Variants in RUFY2 observed in about 807,000 individuals in gnomAD.
RUFY2 encodes RUN and FYVE domain containing 2.
RUFY2 carries 49 observed loss-of-function variants against 94.4 expected under a neutral mutation model. That is an observed-to-expected ratio of 0.52 (90% CI 0.41 to 0.66). RUFY2 has a LOEUF of 0.66. RUFY2 is among the 30% of genes least tolerant of loss of function. The probability of loss-of-function intolerance (pLI) is 0.00; values close to 1 mark genes in which losing one functional copy is unlikely to be tolerated. For missense variants in RUFY2, 541 were observed against 692.8 expected (o/e 0.78, Z 2.46); for synonymous variants, 255 against 235.7 (o/e 1.08, Z -0.75).
At chr10:68,393,744 T>C (rs984624666) in intron 6 of RUFY2, 2 of 283,274 alleles carry the variant, frequency 7.1e-6, no homozygotes, top group Non-Finnish European at 1.3e-5. Context: ...AAAAAAAACA[T>C]AGTTCGATCT....
chr10:68,399,959 T>C (rs1025486575), intron 3 of RUFY2, among the ~76,000 whole-genome samples: 4 of 151,762 alleles, frequency 2.6e-5, no homozygotes, highest in African/African-American at 7.3e-5. Context: ...TTTGTATTTT[T>C]AGTAAAGACA....
Position 68,381,392 on chromosome 10 carries a change from T to A in RUFY2, c.947A>T (p.Glu316Val), listed in dbSNP as rs1564823926. 3 of 1,608,344 alleles carry A rather than the reference T, an allele frequency of 1.9e-6. No homozygotes were observed. Among genetic ancestry groups the A allele is most frequent in the South Asian group, 2.2e-5 (2 of 89,208 alleles). Residue 316 changes from glutamate (E) to valine (V), a missense_variant, in exon 11 of 18, where the codon GAG (glutamate) becomes GTG (valine). This residue lies in a region of RUFY2 where 403 missense variants were observed against 480.7 expected (regional missense o/e 0.84). Transcript: ENST00000602465. ...ACTAACTTGTACTGCTAGCTCATTCTCTACATCCTGCAATTTCAATGTATC... is the reference window on the plus strand; with the variant it reads ...ACTAACTTGTACTGCTAGCTCATTCACTACATCCTGCAATTTCAATGTATC... ...RDESQLRQDV[E>V]NELAVQVSMK...
chr10:68,384,401 CTTAT>C (rs1453271973), intron 8 of RUFY2, among the ~76,000 whole-genome samples: 1 of 152,126 alleles, frequency 6.6e-6, no homozygotes, highest in Non-Finnish European at 1.5e-5. Flanking sequence ...ACACATTAGG[CTTAT>C]TTGTTATGCT....
intron 8 of RUFY2, 23 bp from the exon 9 acceptor site, chr10:68,384,175 GA>G: frequency 6.3e-7 from 1 of 1,594,182 alleles, no homozygotes. Context: ...AAACGGGCAA[GA>G]AAAAAGATTT....
chr10:68,392,812 C>T (rs1449125775), intron 7 of RUFY2, among the ~76,000 whole-genome samples: 1 of 150,836 alleles, frequency 6.6e-6, no homozygotes, highest in Non-Finnish European at 1.5e-5. Flanking sequence ...CCTATAGTCC[C>T]AGCTACTCAG....
rs778974105 is a variant in RUFY2, at chr10:68,363,998, T to C, written c.1441A>G (p.Ile481Val). Residue 481 changes from isoleucine to valine, a missense_variant, in exon 14 of 18, where the codon ATT becomes GTT. This residue lies in a region of RUFY2 where 403 missense variants were observed against 480.7 expected (regional missense o/e 0.84). Coordinates refer to ENST00000602465, the MANE Select transcript of RUFY2 (RefSeq NM_001330103.2). ...CCACTATTTACTTTTTTAAGACTAA[T>C]GATTTGTTGAGTCTCATTTCTAAGA... The part of the protein sequence containing the change: ...SHLRNETQQI[I>V]SLKKEFLNLQ... 8 of 1,595,826 alleles carry C rather than the reference T, an allele frequency of 5.0e-6. No individual in the cohort carries two copies. Among genetic ancestry groups the C allele is most frequent in the Non-Finnish European group, 6.9e-6 (8 of 1,166,978 alleles).
At chr10:68,375,292 C>T (rs909618258) in intron 13 of RUFY2, among the ~76,000 whole-genome samples, 4 of 122,946 alleles carry the variant, frequency 3.3e-5, no homozygotes, top group African/African-American at 3.3e-5. Context: ...AAGGAAACAA[C>T]AGATACAGGT....
At chr10:68,403,461 G>C (rs557091334) in intron 2 of RUFY2, among the ~76,000 whole-genome samples, 1 of 152,124 alleles carries the variant, frequency 6.6e-6, no homozygotes, top group South Asian at 2.1e-4. Flanking sequence ...ATGCTGGCCA[G>C]GTTGGTCTTG....
intron 6 of RUFY2, 193 bp downstream of exon 6, chr10:68,393,882 A>T (rs1234839186): frequency 1.6e-6 from 2 of 1,266,600 alleles, no homozygotes; most frequent in African/African-American, 3.1e-5. Context: ...TACTATTAAT[A>T]AAACCTCCTT....
chr10:68,344,326 C>T lies in RUFY2; in HGVS notation c.*1442G>A, dbSNP rs905923340. 2.6e-5 allele frequency: 4 copies of T among 152,090 alleles called. No individual in the cohort carries two copies. Among genetic ancestry groups the T allele is most frequent in the Admixed American group, 1.3e-4 (2 of 15,260 alleles). 9.4% of individuals were successfully genotyped at this position (152,090 alleles called of 1,614,324 possible). Reference sequence around the variant, plus strand: ...AGGCAGGGAGGTACCTAGGATTAACCACTAAATATAATGCTCTTAATCCAT... The same window carrying T: ...AGGCAGGGAGGTACCTAGGATTAACTACTAAATATAATGCTCTTAATCCAT... On this transcript the variant is annotated 3_prime_UTR_variant, in exon 18 of 18. Coordinates refer to ENST00000602465, the MANE Select transcript of RUFY2 (RefSeq NM_001330103.2).
At chr10:68,360,729 C>A (rs1034689443) in intron 15 of RUFY2, among the ~76,000 whole-genome samples, 1 of 151,958 alleles carries the variant, frequency 6.6e-6, no homozygotes, top group Non-Finnish European at 1.5e-5. Flanking sequence ...GCCTGGGCGA[C>A]AGAGCGAGAC....
intron 12 of RUFY2, 86 bp from the exon 13 acceptor site, chr10:68,377,058 G>A (rs1681580264): frequency 6.4e-7 from 1 of 1,559,288 alleles, no homozygotes; most frequent in Non-Finnish European, 8.6e-7. Flanking sequence ...AAGAAAAATG[G>A]GGAAATAGAA....
chr10:68,401,443 A>G (rs761487707), intron 3 of RUFY2, among the ~76,000 whole-genome samples, 177 bp downstream of exon 3: 1 of 152,240 alleles, frequency 6.6e-6, no homozygotes, highest in African/African-American at 2.4e-5. Flanking sequence ...GAAAAACTTC[A>G]TAAAGGAAAT....
At chr10:68,346,372 C>T (rs1418346831) in intron 16 of RUFY2, 1 of 294,722 alleles carries the variant, frequency 3.4e-6, no homozygotes, top group Admixed American at 4.9e-5. Flanking sequence ...GAGAGGATCG[C>T]CTGAGGCCTG....
chr10:68,365,547 C>T (rs1468702331), intron 13 of RUFY2, among the ~76,000 whole-genome samples: 3 of 152,198 alleles, frequency 2.0e-5, no homozygotes, highest in African/African-American at 4.8e-5. Flanking sequence ...CAGGCTCCGG[C>T]CACCAGAGAG....
chr10:68,406,699 C>A (rs1032241278), intron 1 of RUFY2: 3 of 1,480,900 alleles, frequency 2.0e-6, no homozygotes, highest in African/African-American at 1.4e-5. Context: ...CCCCTCCCCC[C>A]AGCAAGGCTG....
chr10:68,358,490 A>G (rs1380190213), intron 15 of RUFY2, among the ~76,000 whole-genome samples: 1 of 152,220 alleles, frequency 6.6e-6, no homozygotes, highest in African/African-American at 2.4e-5. Flanking sequence ...GGCTAAATTC[A>G]CATCTACAAA....
chr10:68,359,455 AG>A (rs1303975455), intron 15 of RUFY2, among the ~76,000 whole-genome samples: 2 of 140,806 alleles, frequency 1.4e-5, no homozygotes, highest in African/African-American at 5.1e-5. Context: ...AAATATACAT[AG>A]TAGTAATGCT....
chr10:68,399,610 T>C (rs187586310), intron 3 of RUFY2, among the ~76,000 whole-genome samples: 5 of 152,268 alleles, frequency 3.3e-5, no homozygotes, highest in African/African-American at 1.2e-4. Flanking sequence ...AACAACAAAA[T>C]AACAGCAAAA....
Sources: gnomAD v4.1 joint callset for allele counts (sites outside exome capture counted in the v4.1 genomes callset) on GRCh38, gnomAD v4.1.1 for gene constraint, gnomAD v4.1.1 regional missense constraint, MANE v1.5 for transcripts, NCBI Gene and HGNC (gene_info 2026-07-23, HGNC 2026-07-21) for gene names.